Variants in SFMBT2 observed in about 807,000 individuals in gnomAD.
SFMBT2 encodes the protein Scm like with four mbt domains 2.
A neutral mutation model predicts 110.1 loss-of-function variants in SFMBT2; 38 were observed. The ratio of observed to expected loss-of-function variants is 0.35; its 90% CI spans 0.27 to 0.45. The LOEUF (loss-of-function observed/expected upper bound fraction) is 0.45, where lower values mean the gene tolerates loss of function less well. SFMBT2 is among the 20% of genes least tolerant of loss of function. SFMBT2 has a pLI of 1.00. For missense variants in SFMBT2, 1,011 were observed against 1,094.9 expected (o/e 0.92, Z 1.08); for synonymous variants, 425 against 425.4 (o/e 1.00, Z 0.01).
intron 20 of SFMBT2, among the ~76,000 whole-genome samples, chr10:7,169,708 A>G (rs1837812153): frequency 6.6e-6 from 1 of 152,204 alleles, no homozygotes; most frequent in African/African-American, 2.4e-5. Context: ...CATTTTCTGC[A>G]AGGCCAGTGA....
At chr10:7,220,569 G>C (rs1215169918) in intron 10 of SFMBT2, 32 bp from the exon 11 acceptor site, 2 of 1,613,298 alleles carry the variant, frequency 1.2e-6, no homozygotes, top group Admixed American at 3.3e-5. Flanking sequence ...CACTGAGCCA[G>C]TGCTGACGCA....
intron 16 of SFMBT2, among the ~76,000 whole-genome samples, chr10:7,180,295 A>ATTTTTTTTTTTTTTTTTTTTTTT (rs35437776): frequency 7.0e-6 from 1 of 143,746 alleles, no homozygotes. Context: ...TATAGTGGTA[A>ATTTTTTTTTTTTTTTTTTTTTTT]TTTTTTTTTT....
chr10:7,292,822 G>A (rs1053727511), intron 4 of SFMBT2, among the ~76,000 whole-genome samples: 1 of 152,014 alleles, frequency 6.6e-6, no homozygotes, highest in Non-Finnish European at 1.5e-5. Context: ...TTCAAGACCC[G>A]TCTCTACTAA....
intron 4 of SFMBT2, among the ~76,000 whole-genome samples, chr10:7,298,667 G>A (rs1415374976): frequency 1.3e-5 from 2 of 152,142 alleles, no homozygotes; most frequent in African/African-American, 2.4e-5. Context: ...ATGTATGTGC[G>A]TATGTGCATG....
At chr10:7,337,884 A>C (rs972981274) in intron 4 of SFMBT2, among the ~76,000 whole-genome samples, 1 of 152,226 alleles carries the variant, frequency 6.6e-6, no homozygotes, top group Non-Finnish European at 1.5e-5. Context: ...AATTCAAATT[A>C]ATCTTCAAAT....
intron 15 of SFMBT2, among the ~76,000 whole-genome samples, chr10:7,195,451 C>T (rs979665540): frequency 7.2e-5 from 11 of 152,154 alleles, no homozygotes; most frequent in South Asian, 2.1e-4. Flanking sequence ...GCGTACTGTT[C>T]GATTTCAAGA....
chr10:7,368,162 T>A (rs1325223625), intron 3 of SFMBT2: 2 of 282,850 alleles, frequency 7.1e-6, no homozygotes, highest in Admixed American at 6.5e-5. Context: ...CACCTCAACA[T>A]GTAATCAATA....
chr10:7,171,118 G>GC lies in SFMBT2; in HGVS notation c.2416-63dup. The GC allele has an allele frequency of 4.3e-6, 7 of 1,610,356 alleles. No individual in the cohort carries two copies. The highest frequency in any genetic ancestry group is 5.9e-6 in the Non-Finnish European group (7 of 1,178,778). ...CAGTCAGCTGGCTGGGTCCTCTCCAGCACTCTCCAGGCCTCGGCCGTTCCT... is the reference window on the plus strand; with the variant it reads ...CAGTCAGCTGGCTGGGTCCTCTCCAGCCACTCTCCAGGCCTCGGCCGTTCCT... On this transcript the variant is annotated intron_variant, in intron 19 of 20. Transcript: ENST00000397167. This position sits in a 1 kb window ranked among gnomAD's most constrained non-coding sequence, Gnocchi z 4.9.
At chr10:7,197,024 G>A (rs1194998072) in intron 15 of SFMBT2, among the ~76,000 whole-genome samples, 2 of 152,150 alleles carry the variant, frequency 1.3e-5, no homozygotes, top group Non-Finnish European at 2.9e-5. Context: ...CCTCGTCAAA[G>A]TACCTGGAGA....
rs546967092 is a variant in SFMBT2, at chr10:7,333,707, C to T, written c.436+33942G>A. On this transcript the variant is annotated intron_variant, in intron 4 of 20. Coordinates refer to ENST00000397167, the MANE Select transcript of SFMBT2 (RefSeq NM_001387889.1). ...TTCTCTCTCTCCCCCACTCCCTACA[C>T]GGCCTCCCCGCTTTCTCTCTCTCTC... is the stretch of plus-strand genomic sequence containing the variant. 9.2e-4 allele frequency among the ~76,000 whole-genome samples: 139 copies of T among 151,132 alleles called. 1 individual carries two copies. Among genetic ancestry groups the T allele is most frequent in the South Asian group, 1.9e-3 (9 of 4,766 alleles).
intron 16 of SFMBT2, among the ~76,000 whole-genome samples, chr10:7,185,310 G>C (rs1838365453): frequency 6.6e-6 from 1 of 152,174 alleles, no homozygotes; most frequent in South Asian, 2.1e-4. Context: ...ACTTGCGCAA[G>C]GTAAACAAAA....
chr10:7,190,348 T>G (rs1036691994), intron 15 of SFMBT2, among the ~76,000 whole-genome samples: 1 of 152,240 alleles, frequency 6.6e-6, no homozygotes, highest in Admixed American at 6.5e-5. Context: ...TTCAACAGAT[T>G]CTTTTCATTG....
chr10:7,213,664 G>A (rs1325624455), intron 11 of SFMBT2, among the ~76,000 whole-genome samples: 1 of 152,228 alleles, frequency 6.6e-6, no homozygotes, highest in Non-Finnish European at 1.5e-5. Context: ...GCAGGGGATG[G>A]AAAGGGAGTT....
intron 1 of SFMBT2, among the ~76,000 whole-genome samples, chr10:7,384,773 GA>G (rs1463143410): frequency 2.0e-5 from 3 of 152,188 alleles, no homozygotes; most frequent in African/African-American, 4.8e-5. Context: ...ATGATGGACA[GA>G]GCTGCATTCT....
intron 7 of SFMBT2, among the ~76,000 whole-genome samples, chr10:7,254,926 C>G (rs2767704): frequency 0.89 from 134,956 of 151,878 alleles, 60,071 homozygotes; most frequent in East Asian, 0.92. Context: ...AAAGGCAAAA[C>G]TAGTCACTTG....
At chr10:7,281,323 A>G (rs1212777493) in intron 6 of SFMBT2, among the ~76,000 whole-genome samples, 1 of 152,198 alleles carries the variant, frequency 6.6e-6, no homozygotes, top group African/African-American at 2.4e-5. Flanking sequence ...GTGGGAGTGC[A>G]GAGCAGATGG....
chr10:7,165,977 C>T (rs868248745), intron 20 of SFMBT2, among the ~76,000 whole-genome samples: 2 of 152,310 alleles, frequency 1.3e-5, no homozygotes, highest in South Asian at 4.1e-4. Context: ...ACATGTAATA[C>T]ATCAAATTAC....
chr10:7,209,748 G>A (rs1839273524), intron 11 of SFMBT2, among the ~76,000 whole-genome samples: 1 of 152,266 alleles, frequency 6.6e-6, no homozygotes, highest in African/African-American at 2.4e-5. Context: ...CACAGGGAAA[G>A]GAACCAGTTG....
chr10:7,210,473 C>T (rs1839307205), intron 11 of SFMBT2, among the ~76,000 whole-genome samples: 1 of 152,118 alleles, frequency 6.6e-6, no homozygotes, highest in South Asian at 2.1e-4. Context: ...CAAATGGGTT[C>T]CACCTCCTTC....
Sources: gnomAD v4.1 joint callset for allele counts (sites outside exome capture counted in the v4.1 genomes callset) on GRCh38, gnomAD v4.1.1 for gene constraint, Gnocchi (gnomAD v3.1) non-coding constraint, MANE v1.5 for transcripts, NCBI Gene and HGNC (gene_info 2026-07-23, HGNC 2026-07-21) for gene names.